The following SYT1 variants were observed in gnomAD, a reference collection of about 807,000 sequenced individuals.
The protein encoded by SYT1 is synaptotagmin 1.
In SYT1, 8 loss-of-function variants were observed where a neutral mutation model predicts 44.8. The observed-to-expected ratio is 0.18, with a 90% confidence interval of 0.10 to 0.32. The LOEUF is 0.32. Ranked by LOEUF, SYT1 falls within the 10% of genes least tolerant of loss-of-function variation. The pLI is 1.00. For synonymous variants in SYT1, 154 were observed against 188.8 expected, an observed-to-expected ratio of 0.82 and a Z score of 1.51; for missense variants, 286 against 509.3, an observed-to-expected ratio of 0.56 and a Z score of 4.22.
intron 3 of SYT1, among the ~76,000 whole-genome samples, chr12:79,064,442 A>C (rs1875613521): frequency 6.6e-6 from 1 of 152,156 alleles, no homozygotes; most frequent in African/African-American, 2.4e-5. Flanking sequence ...TTTGTAGAAG[A>C]CTAGAAATCA....
chr12:78,938,350 G>A, intron 1 of SYT1, among the ~76,000 whole-genome samples: 1 of 152,066 alleles, frequency 6.6e-6, no homozygotes, highest in East Asian at 1.9e-4. Flanking sequence ...GAGTTTAATA[G>A]GATAAAGCTA....
chr12:78,920,996 C>T (rs1876955486), intron 1 of SYT1, among the ~76,000 whole-genome samples: 1 of 151,752 alleles, frequency 6.6e-6, no homozygotes, highest in Non-Finnish European at 1.5e-5. Context: ...TTCTTCTCTG[C>T]ATCATCAGTT....
chr12:78,974,334 G>A (rs1386845899), intron 1 of SYT1, among the ~76,000 whole-genome samples: 1 of 151,942 alleles, frequency 6.6e-6, no homozygotes, highest in Non-Finnish European at 1.5e-5. Flanking sequence ...ATAATGATAA[G>A]TGCTATGAAG....
In SYT1 at chr12:79,265,588, A is replaced by T. The variant is rs191593599; in HGVS notation, c.167-20199A>T. Among the ~76,000 whole-genome samples, 36 of 152,296 alleles carry T rather than the reference A, an allele frequency of 2.4e-4. No individual in the cohort carries two copies. The East Asian group carries it at 6.7e-3, about 29-fold the overall frequency. On this transcript the variant is annotated intron_variant, in intron 4 of 10. Coordinates refer to ENST00000261205, the MANE Select transcript of SYT1 (RefSeq NM_005639.3). ...GAATGCCAGAATATATGGAAAGAGT[A>T]TGAAAGCTGAACCCCAAGGACCTAA...
chr12:79,080,388 G>A (rs1876949927), intron 3 of SYT1, among the ~76,000 whole-genome samples: 1 of 152,150 alleles, frequency 6.6e-6, no homozygotes, highest in African/African-American at 2.4e-5. Context: ...TTTGGCACCA[G>A]GCAAAACAGA....
At chr12:78,874,472 A>G (rs1380388578) in intron 1 of SYT1, among the ~76,000 whole-genome samples, 2 of 151,570 alleles carry the variant, frequency 1.3e-5, no homozygotes, top group East Asian at 3.9e-4. Flanking sequence ...CAGATAGCCA[A>G]CTCTGGAATG....
At chr12:79,036,648 T>C (rs1438781941) in intron 2 of SYT1, 1 of 151,884 alleles carries the variant, frequency 6.6e-6, no homozygotes, top group Admixed American at 6.6e-5. Context: ...TGTCAGTTCA[T>C]GCATACAAAA....
At chr12:79,243,159 C>T (rs1258652172) in intron 4 of SYT1, among the ~76,000 whole-genome samples, 1 of 152,188 alleles carries the variant, frequency 6.6e-6, no homozygotes, top group African/African-American at 2.4e-5. Flanking sequence ...CCATCGGGTC[C>T]CTCCCACAAC....
chr12:78,977,425 G>T (rs931028742), intron 1 of SYT1: 1 of 152,204 alleles, frequency 6.6e-6, no homozygotes, highest in Non-Finnish European at 1.5e-5. Flanking sequence ...GCAAAACAAA[G>T]TGTGAATTGC....
intron 3 of SYT1, among the ~76,000 whole-genome samples, chr12:79,135,515 T>C (rs956115374): frequency 1.3e-5 from 2 of 152,186 alleles, no homozygotes; most frequent in Non-Finnish European, 2.9e-5. Flanking sequence ...TATTCATTAT[T>C]GGTGTCCCTG....
chr12:78,901,965 T>C (rs1391654530), intron 1 of SYT1, among the ~76,000 whole-genome samples: 2 of 151,462 alleles, frequency 1.3e-5, no homozygotes, highest in Non-Finnish European at 2.9e-5. Flanking sequence ...ATATTCTCAC[T>C]CATAAGTGGG....
intron 1 of SYT1, among the ~76,000 whole-genome samples, chr12:78,882,108 A>G (rs1267418458): frequency 3.3e-5 from 5 of 151,820 alleles, no homozygotes; most frequent in African/African-American, 1.2e-4. Context: ...CTATGGAAGC[A>G]GCCACAATGC....
At chr12:79,230,747 T>A (rs1875821870) in intron 4 of SYT1, among the ~76,000 whole-genome samples, 1 of 150,948 alleles carries the variant, frequency 6.6e-6, no homozygotes. Context: ...AGAGTAACAG[T>A]AAGCACAAAA....
chr12:79,448,939 G>A lies in SYT1; in HGVS notation c.1084G>A (p.Val362Ile). Residue 362 changes from valine to isoleucine, a missense_variant, in exon 11 of 11, where the codon GTT (valine) becomes ATT (isoleucine). Physicochemically the swap from Val to Ile is conservative, Grantham distance 29. Coordinates refer to ENST00000261205, the MANE Select transcript of SYT1 (RefSeq NM_005639.3). ...TCAGAAAGTGCAGGTGGTGGTAACTGTTTTGGACTATGACAAGATTGGCAA... is the reference window on the plus strand; with the variant it reads ...TCAGAAAGTGCAGGTGGTGGTAACTATTTTGGACTATGACAAGATTGGCAA... Reference protein sequence around the residue: ...QIQKVQVVVTVLDYDKIGKND... With the variant: ...QIQKVQVVVTILDYDKIGKND... 1 of 1,614,172 alleles carries A rather than the reference G, an allele frequency of 6.2e-7. No individual in the cohort carries two copies. The highest frequency in any genetic ancestry group is 8.5e-7 in the Non-Finnish European group (1 of 1,180,008).
intron 9 of SYT1, among the ~76,000 whole-genome samples, chr12:79,409,407 A>C (rs1231853468): frequency 1.3e-5 from 2 of 152,156 alleles, no homozygotes; most frequent in African/African-American, 4.8e-5. Context: ...TCAGTTTGGT[A>C]TTATGGTAGA....
chr12:79,335,640 A>G (rs1215121260), intron 8 of SYT1, among the ~76,000 whole-genome samples: 3 of 152,168 alleles, frequency 2.0e-5, no homozygotes, highest in Admixed American at 6.5e-5. Flanking sequence ...ACAATAGTTT[A>G]CCAACACACA....
chr12:79,362,036 A>G (rs1046737382), intron 9 of SYT1, among the ~76,000 whole-genome samples: 1 of 152,194 alleles, frequency 6.6e-6, no homozygotes, highest in Non-Finnish European at 1.5e-5. Flanking sequence ...TTGAATTGCA[A>G]TAGACAACTT....
intron 9 of SYT1, among the ~76,000 whole-genome samples, chr12:79,441,041 G>A (rs927711757): frequency 2.0e-5 from 3 of 152,202 alleles, no homozygotes; most frequent in African/African-American, 7.2e-5. Context: ...TAAGACTTCA[G>A]ATTGTTGGGC....
chr12:78,894,326 ATC>A (rs1449609444), intron 1 of SYT1, among the ~76,000 whole-genome samples: 3 of 19,322 alleles, frequency 1.6e-4, no homozygotes, highest in Admixed American at 5.8e-4. Flanking sequence ...GTGTTTTTTA[ATC>A]TGTTTTTTTT....
Sources: gnomAD v4.1 joint callset for allele counts (sites outside exome capture counted in the v4.1 genomes callset) on GRCh38, gnomAD v4.1.1 for gene constraint, MANE v1.5 for transcripts, NCBI Gene and HGNC (gene_info 2026-07-23, HGNC 2026-07-21) for gene names.